The following WIF1 variants were observed in gnomAD, a reference collection of about 807,000 sequenced individuals.
WIF1 encodes the protein Wnt inhibitory factor 1.
Under a neutral mutation model 53.5 loss-of-function variants are expected in WIF1, and 35 were observed. That is an observed-to-expected ratio of 0.65 (90% confidence interval 0.50 to 0.87). WIF1 has a LOEUF of 0.87. WIF1 is among the 40% of genes least tolerant of loss of function. WIF1 has a pLI of 0.00. For missense variants in WIF1, 467 were observed against 476.8 expected, an observed-to-expected ratio of 0.98 and a Z score of 0.19; for synonymous variants, 171 against 170.4, an observed-to-expected ratio of 1.00 and a Z score of -0.03.
rs754748703 is a variant in WIF1, at chr12:65,056,125, G to T, written c.828C>A (p.Ser276Arg). The T allele has an allele frequency of 5.6e-6, 9 of 1,613,140 alleles. No homozygotes were observed. Residue 276 changes from serine to arginine, a missense_variant and splice_region_variant, in exon 8 of 10, where the codon AGC becomes AGA. Ser to Arg is a moderately radical substitution (Grantham distance 110). Transcript: ENST00000286574. ...PGLEGEQCEI[S>R]KCPQPCRNGG... ...CATTTCGACAGGGTTGTGGGCATTT[G>T]CCTGAAAAAGAGAAGAATGCAGCTA...
chr12:65,053,643 C>T (rs1205431163), intron 9 of WIF1, among the ~76,000 whole-genome samples: 1 of 152,148 alleles, frequency 6.6e-6, no homozygotes, highest in African/African-American at 2.4e-5. Flanking sequence ...ATACATTACT[C>T]AGTCTCTGAA....
intron 3 of WIF1, among the ~76,000 whole-genome samples, chr12:65,069,517 A>T (rs1049831549): frequency 2.0e-5 from 3 of 152,206 alleles, no homozygotes; most frequent in Non-Finnish European, 4.4e-5. Context: ...AATGAAGTTA[A>T]TATTTTCTCA....
At chr12:65,066,520 T>C (rs1400321531) in intron 6 of WIF1, 121 bp downstream of exon 6, 12 of 730,572 alleles carry the variant, frequency 1.6e-5, no homozygotes, top group Non-Finnish European at 2.2e-5. Context: ...ATAGCAGCCA[T>C]CTTTACCCTA....
chr12:65,066,586 C>T, intron 6 of WIF1, 55 bp downstream of exon 6: 1 of 1,453,632 alleles, frequency 6.9e-7, no homozygotes, highest in Non-Finnish European at 9.4e-7. Context: ...GTAACTTATT[C>T]TAATCAAACA....
chr12:65,060,523 G>C (rs1882596033), intron 7 of WIF1, among the ~76,000 whole-genome samples: 1 of 152,176 alleles, frequency 6.6e-6, no homozygotes, highest in Non-Finnish European at 1.5e-5. Flanking sequence ...AAGTAGCTTA[G>C]TGGTTGCCAG....
chr12:65,077,749 A>T lies in WIF1; in HGVS notation c.394T>A (p.Ser132Thr). The change falls in exon 3 of 10, where the codon TCA becomes ACA. Residue 132 changes from serine (S) to threonine (T), a missense_variant. Coordinates refer to ENST00000286574, the MANE Select transcript of WIF1 (RefSeq NM_007191.5). ...TCTTCAGGCAAAGACCACCCACCTG[A>T]TGCCTTGTGAGGCACTGTTCCCAGC... is the stretch of plus-strand genomic sequence containing the variant. ...PLLGTVPHKA[S>T]VVQVGFPCLG... 1 of 1,611,370 alleles carries T rather than the reference A, an allele frequency of 6.2e-7. No homozygotes were observed. The highest frequency in any genetic ancestry group is 1.7e-5 in the Admixed American group (1 of 59,922).
intron 7 of WIF1, among the ~76,000 whole-genome samples, chr12:65,061,025 C>T (rs1373176811): frequency 1.3e-5 from 2 of 152,070 alleles, no homozygotes; most frequent in African/African-American, 2.4e-5. Context: ...AGATTCATAA[C>T]CATGAACCAA....
intron 2 of WIF1, among the ~76,000 whole-genome samples, chr12:65,111,910 G>C (rs1449729211): frequency 6.6e-6 from 1 of 152,164 alleles, no homozygotes; most frequent in Non-Finnish European, 1.5e-5. Context: ...AGATGAATGG[G>C]TTTCAAGAGA....
At chr12:65,099,390 T>C (rs1444438736) in intron 2 of WIF1, among the ~76,000 whole-genome samples, 3 of 152,216 alleles carry the variant, frequency 2.0e-5, no homozygotes, top group African/African-American at 7.2e-5. Flanking sequence ...TTTGCTCAAA[T>C]AAGCCACGTG....
chr12:65,090,955 A>C (rs955296317), intron 2 of WIF1, among the ~76,000 whole-genome samples: 2 of 152,096 alleles, frequency 1.3e-5, no homozygotes, highest in Non-Finnish European at 2.9e-5. Flanking sequence ...TGATCAACAG[A>C]GGGTCTCTGT....
At chr12:65,070,495 A>C (rs571314863) in intron 3 of WIF1, among the ~76,000 whole-genome samples, 6 of 152,284 alleles carry the variant, frequency 3.9e-5, no homozygotes, top group African/African-American at 1.4e-4. Flanking sequence ...AATTTCTTTA[A>C]ATTTTTTGTA....
At chr12:65,095,913 C>A (rs1470755538) in intron 2 of WIF1, 2 of 152,082 alleles carry the variant, frequency 1.3e-5, no homozygotes, top group African/African-American at 4.8e-5. Flanking sequence ...ACCATAAAAA[C>A]CCTAGAAGAA....
At chr12:65,057,196 T>C (rs1882541922) in intron 7 of WIF1, among the ~76,000 whole-genome samples, 1 of 152,130 alleles carries the variant, frequency 6.6e-6, no homozygotes, top group African/African-American at 2.4e-5. Flanking sequence ...GCAGTGGCAA[T>C]GGCTGGTGTG....
rs1412693652 is a variant in WIF1 at position 65,067,724 on chromosome 12, T to C, written c.605A>G (p.Asp202Gly). 9 of 1,613,336 alleles carry C rather than the reference T, an allele frequency of 5.6e-6. No individual in the cohort carries two copies. Among genetic ancestry groups the C allele is most frequent in the Non-Finnish European group, 6.8e-6 (8 of 1,179,446 alleles). The change falls in exon 5 of 10, where the codon GAT (aspartate) becomes GGT (glycine). Residue 202 changes from aspartate (D) to glycine (G), a missense_variant. Physicochemically the swap from Asp to Gly is moderately conservative, Grantham distance 94 (BLOSUM62 -1). Coordinates refer to ENST00000286574, the MANE Select transcript of WIF1 (RefSeq NM_007191.5). Reference sequence around the variant, plus strand: ...CTCACAGTGAGGTCCGTGGAACCCATCAGGACACTCGCAGATGCGTCTTTC... The same window carrying C: ...CTCACAGTGAGGTCCGTGGAACCCACCAGGACACTCGCAGATGCGTCTTTC... ...CNERRICECP[D>G]GFHGPHCEKA...
chr12:65,089,431 T>A (rs1883090848), intron 2 of WIF1, among the ~76,000 whole-genome samples: 1 of 152,146 alleles, frequency 6.6e-6, no homozygotes, highest in Non-Finnish European at 1.5e-5. Context: ...GCTCCAGATT[T>A]ATTCCCTCAA....
intron 2 of WIF1, among the ~76,000 whole-genome samples, chr12:65,080,799 C>CA (rs1882937244): frequency 6.6e-6 from 1 of 151,942 alleles, no homozygotes; most frequent in African/African-American, 2.4e-5. Flanking sequence ...GGATAGAATG[C>CA]AAAAAACTTT....
chr12:65,085,275 A>G (rs562238520), intron 2 of WIF1, among the ~76,000 whole-genome samples: 1 of 152,310 alleles, frequency 6.6e-6, no homozygotes, highest in African/African-American at 2.4e-5. Context: ...TTGAATATAT[A>G]TAATAAGATA....
chr12:65,069,197 G>A (rs902895172), intron 3 of WIF1, among the ~76,000 whole-genome samples: 1 of 152,136 alleles, frequency 6.6e-6, no homozygotes, highest in African/African-American at 2.4e-5. Context: ...ATTTTCCCTG[G>A]AAATTAAAGA....
At chr12:65,055,263 A>G (rs778532959) in intron 8 of WIF1, 50 bp from the exon 9 acceptor site, 6 of 1,582,166 alleles carry the variant, frequency 3.8e-6, no homozygotes, top group Middle Eastern at 1.7e-4. Context: ...TCCTTTTTCA[A>G]CAGAATTACA....
Sources: gnomAD v4.1 joint callset for allele counts (sites outside exome capture counted in the v4.1 genomes callset) on GRCh38, gnomAD v4.1.1 for gene constraint, MANE v1.5 for transcripts, NCBI Gene and HGNC (gene_info 2026-07-23, HGNC 2026-07-21) for gene names.